Variants in GRM5 observed in about 807,000 individuals in gnomAD.
The protein encoded by GRM5 is metabotropic glutamate receptor 5.
A neutral mutation model predicts 83.1 loss-of-function variants in GRM5; 19 were observed. That is an observed-to-expected ratio of 0.23 (90% CI 0.16 to 0.34). The LOEUF is 0.34. Ranked by LOEUF, GRM5 falls within the 10% of genes least tolerant of loss-of-function variation. GRM5 has a pLI of 1.00. For synonymous variants in GRM5, 675 were observed against 633.6 expected (o/e 1.07, Z -0.98); for missense variants, 1,160 against 1,588.3 (o/e 0.73, Z 4.58).
chr11:88,890,915 G>GT, intron 2 of GRM5, among the ~76,000 whole-genome samples: 1 of 152,196 alleles, frequency 6.6e-6, no homozygotes, highest in Admixed American at 6.6e-5. Flanking sequence ...AGTAAAATGT[G>GT]TTTTTTAGTA....
intron 3 of GRM5, among the ~76,000 whole-genome samples, chr11:88,728,450 G>A (rs186859485): frequency 1.4e-4 from 21 of 152,138 alleles, no homozygotes; most frequent in African/African-American, 2.2e-4. Context: ...GAGGTACACC[G>A]AGGAGCTGGT....
chr11:88,741,402 GC>G (rs1373406840), intron 3 of GRM5, among the ~76,000 whole-genome samples: 5 of 152,064 alleles, frequency 3.3e-5, no homozygotes, highest in Non-Finnish European at 5.9e-5. Context: ...TAGACTTCTT[GC>G]TAAACTTCAT....
intron 3 of GRM5, among the ~76,000 whole-genome samples, chr11:88,770,238 T>G (rs192578003): frequency 2.4e-4 from 36 of 152,126 alleles, no homozygotes; most frequent in African/African-American, 8.4e-4. Flanking sequence ...GATAACTACA[T>G]GTAATATGGT....
chr11:88,889,356 GA>G (rs1274257391), intron 2 of GRM5, among the ~76,000 whole-genome samples: 4 of 151,770 alleles, frequency 2.6e-5, no homozygotes, highest in Non-Finnish European at 4.4e-5. Context: ...TCGCAGGCTT[GA>G]AAAAAAATAG....
At chr11:88,539,857 C>T (rs16914180) in intron 8 of GRM5, among the ~76,000 whole-genome samples, 19,724 of 152,218 alleles carry the variant, frequency 0.13, 1,485 homozygotes, top group Non-Finnish European at 0.16. Context: ...CCTGTCTCCC[C>T]TGTTAATCTG....
At chr11:88,921,926 A>AAAC (rs1555041814) in intron 2 of GRM5, among the ~76,000 whole-genome samples, 1 of 151,568 alleles carries the variant, frequency 6.6e-6, no homozygotes, top group Non-Finnish European at 1.5e-5. Context: ...TACAAAAAAA[A>AAAC]CCGTATTTCT....
At chr11:88,537,570 T>C (rs990367222) in intron 8 of GRM5, among the ~76,000 whole-genome samples, 1 of 152,182 alleles carries the variant, frequency 6.6e-6, no homozygotes, top group Admixed American at 6.6e-5. Context: ...GAAGTCATTA[T>C]GGATCTTTAG....
rs1941200645 is a variant in GRM5 at position 88,507,085 on chromosome 11, C to T, written c.*1507G>A. ...TGCAATGGGAGGAAGAAAGAGATGA[C>T]AGTGGATTCAGGTCTTGAACTATGA... On this transcript the variant is annotated 3_prime_UTR_variant, in exon 10 of 10. Transcript: ENST00000305447. 6.6e-6 allele frequency: 1 copy of T among 152,076 alleles called. No individual in the cohort carries two copies. Among genetic ancestry groups the T allele is most frequent in the African/African-American group, 2.4e-5 (1 of 41,360 alleles). The allele number at this position is 152,076 out of a possible 1,614,324, so 9.4% of individuals were successfully genotyped here. A position where few individuals can be genotyped will look rare whatever the true frequency, so the allele number is the denominator to read the frequency against.
intron 2 of GRM5, among the ~76,000 whole-genome samples, chr11:88,880,180 A>G (rs189689714): frequency 6.6e-6 from 1 of 152,224 alleles, no homozygotes; most frequent in Admixed American, 6.5e-5. Context: ...CCAACAAAGA[A>G]CGCTATGAGG....
chr11:88,869,147 A>C (rs766131890), intron 2 of GRM5, among the ~76,000 whole-genome samples: 4 of 151,520 alleles, frequency 2.6e-5, no homozygotes, highest in African/African-American at 4.8e-5. Flanking sequence ...TTTTCCTTTA[A>C]TCTCAAGATA....
At chr11:88,860,821 C>T (rs1348455135) in intron 2 of GRM5, among the ~76,000 whole-genome samples, 14 of 152,148 alleles carry the variant, frequency 9.2e-5, no homozygotes, top group Non-Finnish European at 1.5e-5. Flanking sequence ...TTTTGAGCCT[C>T]ATTTAAGAGT....
intron 2 of GRM5, among the ~76,000 whole-genome samples, chr11:88,891,444 A>G (rs1464432974): frequency 1.3e-5 from 2 of 152,046 alleles, no homozygotes; most frequent in African/African-American, 2.4e-5. Flanking sequence ...GGCTTTCTAG[A>G]TTGTTCAGGG....
chr11:89,014,222 C>T (rs1192493136), intron 2 of GRM5, among the ~76,000 whole-genome samples: 2 of 152,130 alleles, frequency 1.3e-5, no homozygotes, highest in African/African-American at 4.8e-5. Context: ...TTGCTAGTAA[C>T]TCCACCTCTA....
chr11:88,852,448 T>C (rs1300251027), intron 2 of GRM5, among the ~76,000 whole-genome samples: 3 of 152,214 alleles, frequency 2.0e-5, no homozygotes, highest in South Asian at 4.1e-4. Context: ...TTATAAAGAA[T>C]ATTCTAGACA....
chr11:88,706,033 G>A (rs538963669), intron 3 of GRM5, among the ~76,000 whole-genome samples: 15 of 151,948 alleles, frequency 9.9e-5, no homozygotes, highest in Admixed American at 2.0e-4. Flanking sequence ...GACTCACAGA[G>A]ATTCACTAAC....
At chr11:88,525,255 C>G in intron 9 of GRM5, 54 bp downstream of exon 9, 1 of 1,033,256 alleles carries the variant, frequency 9.7e-7, no homozygotes, top group South Asian at 1.3e-5. Flanking sequence ...ACATGTTCCT[C>G]TAGCTTGCAT....
chr11:88,991,436 C>T (rs1454240968), intron 2 of GRM5, among the ~76,000 whole-genome samples: 1 of 151,948 alleles, frequency 6.6e-6, no homozygotes, highest in Non-Finnish European at 1.5e-5. Context: ...GGCCATACTG[C>T]CCAAGGTAAT....
At chr11:88,834,541 T>G (rs1944056631) in intron 3 of GRM5, among the ~76,000 whole-genome samples, 1 of 152,200 alleles carries the variant, frequency 6.6e-6, no homozygotes, top group Admixed American at 6.5e-5. Flanking sequence ...CTGAAGAAAC[T>G]ACATCTATTT....
chr11:88,885,488 G>GTTTTTTTT (rs1945030469), intron 2 of GRM5, among the ~76,000 whole-genome samples: 1 of 75,058 alleles, frequency 1.3e-5, no homozygotes. Context: ...TTTTTTTTTG[G>GTTTTTTTT]TAAACCAGCT....
Sources: allele counts gnomAD v4.1 joint callset (sites outside exome capture counted in the v4.1 genomes callset), GRCh38; gene constraint gnomAD v4.1.1; transcripts MANE v1.5; gene names NCBI Gene and HGNC (gene_info 2026-07-23, HGNC 2026-07-21).